The following C21orf58 variants were observed in gnomAD, a reference collection of about 807,000 sequenced individuals.
C21orf58 encodes chromosome 21 open reading frame 58, also known as uncharacterized protein C21orf58.
In C21orf58, 34 loss-of-function variants were observed where a neutral mutation model predicts 35.8. The observed-to-expected ratio is 0.95, with a 90% CI of 0.72 to 1.26. C21orf58 has a LOEUF of 1.26. C21orf58 is among the 50% of genes most tolerant of loss of function. The probability of loss-of-function intolerance (pLI) is 0.00; values close to 1 mark genes in which losing one functional copy is unlikely to be tolerated. For synonymous variants in C21orf58, 191 were observed against 175.8 expected (o/e 1.09, Z -0.68); for missense variants, 440 against 414.3 (o/e 1.06, Z -0.54).
At chr21:46,306,971 C>A (rs2082447250) in intron 6 of C21orf58, among the ~76,000 whole-genome samples, 1 of 152,016 alleles carries the variant, frequency 6.6e-6, no homozygotes, top group African/African-American at 2.4e-5. Flanking sequence ...TCTCAGCTCA[C>A]TGCAGCCTCC....
chr21:46,302,189 C>T (rs1426649284), intron 7 of C21orf58, 35 bp from the exon 8 acceptor site: 1 of 1,438,254 alleles, frequency 7.0e-7, no homozygotes, highest in Non-Finnish European at 9.1e-7. Context: ...AGGACGCAGC[C>T]CAGGCTGCTC....
intron 6 of C21orf58, among the ~76,000 whole-genome samples, chr21:46,305,735 C>G (rs866155006): frequency 6.0e-5 from 9 of 151,156 alleles, no homozygotes; most frequent in Non-Finnish European, 1.2e-4. Context: ...GTTAGAAGAT[C>G]GAGACCATCC....
At position 46,323,843 on chromosome 21, in the gene C21orf58, C is replaced by T. The variant is rs140786971; in HGVS notation, c.-1105G>A. 5.4e-6 allele frequency: 2 copies of T among 368,234 alleles called. No individual in the cohort carries two copies. Among genetic ancestry groups the T allele is most frequent in the African/African-American group, 2.2e-5 (1 of 46,078 alleles). The allele number at this position is 368,234 out of a possible 1,614,324, so 22.8% of individuals were successfully genotyped here. A position where few individuals can be genotyped will look rare whatever the true frequency, so the allele number is the denominator to read the frequency against. ...GTGGACACAAAGCCCAGGGGCCGCC[C>T]GCGCGGGACCAGCAGCGCGAACTTT... On this transcript the variant is annotated 5_prime_UTR_variant, in exon 1 of 8. Transcript: ENST00000291691.
chr21:46,322,782 G>GA lies in C21orf58; in HGVS notation c.-45dup, dbSNP rs759678572. ...TCGCAGCGAGACTGTCTCAAAAAAAGAAAAAAAATTCTGAGCGAGATTCCA... is the reference window on the plus strand; with the variant it reads ...TCGCAGCGAGACTGTCTCAAAAAAAGAAAAAAAAATTCTGAGCGAGATTCCA... On this transcript the variant is annotated 5_prime_UTR_variant, in exon 1 of 8. Transcript: ENST00000291691. The GA allele has an allele frequency of 3.3e-5, 44 of 1,329,670 alleles. No individual in the cohort carries two copies. Among genetic ancestry groups the GA allele is most frequent in the South Asian group, 1.1e-4 (7 of 62,554 alleles). The allele number at this position is 1,329,670 out of a possible 1,614,324, so 82.4% of individuals were successfully genotyped here.
chr21:46,322,706 G>A lies in C21orf58; in HGVS notation c.33C>T (p.Leu11=), dbSNP rs1315309190. MARSRLPATS[L]RKPWKLDRQK... ...GGCGGTCGAGCTTCCACGGCTTCCT[G>A]AGGGAGGTTGCAGGGAGCCGAGATC... The change falls in exon 1 of 8, where the codon CTC becomes CTT. Residue 11 remains leucine (L), a synonymous_variant. Transcript: ENST00000291691. 1 of 1,572,030 alleles carries A rather than the reference G, an allele frequency of 6.4e-7. No homozygotes were observed. Among genetic ancestry groups the A allele is most frequent in the African/African-American group, 1.4e-5 (1 of 73,830 alleles).
At chr21:46,304,622 A>G (rs1665909047) in intron 6 of C21orf58, among the ~76,000 whole-genome samples, 1 of 152,228 alleles carries the variant, frequency 6.6e-6, no homozygotes, top group African/African-American at 2.4e-5. Context: ...GAAAATGCCA[A>G]GTGTTGGTGA....
downstream of C21orf58, chr21:46,300,440 A>C (rs542473963): frequency 3.0e-4 from 62 of 209,998 alleles, 1 homozygote; most frequent in East Asian, 7.2e-3. Context: ...TCAAAAAAAA[A>C]CATTTTTAAT....
Position 46,301,783 on chromosome 21 carries a change from G to A in C21orf58, c.*216C>T. On this transcript the variant is annotated 3_prime_UTR_variant, in exon 8 of 8. Coordinates refer to ENST00000291691, the MANE Select transcript of C21orf58 (RefSeq NM_058180.5). ...GGGTTCACAGGCCCCTCACTGCAGGGGACCCGGAGCAAGGGATGCCCCCTG... is the reference window on the plus strand; with the variant it reads ...GGGTTCACAGGCCCCTCACTGCAGGAGACCCGGAGCAAGGGATGCCCCCTG... 8.1e-7 allele frequency: 1 copy of A among 1,238,800 alleles called. No individual in the cohort carries two copies. The highest frequency in any genetic ancestry group is 1.0e-6 in the Non-Finnish European group (1 of 991,890). The allele number at this position is 1,238,800 out of a possible 1,614,324, so 76.7% of individuals were successfully genotyped here.
At chr21:46,311,196 T>G (rs2082670897) in intron 6 of C21orf58, among the ~76,000 whole-genome samples, 2 of 152,228 alleles carry the variant, frequency 1.3e-5, no homozygotes, top group South Asian at 2.1e-4. Context: ...AAGAAGCATC[T>G]TAATAATGGT....
At chr21:46,312,851 C>G (rs2082801456) in intron 5 of C21orf58, among the ~76,000 whole-genome samples, 1 of 152,296 alleles carries the variant, frequency 6.6e-6, no homozygotes, top group African/African-American at 2.4e-5. Flanking sequence ...TCCCAGCCCC[C>G]ATAACAACTT....
intron 1 of C21orf58, among the ~76,000 whole-genome samples, chr21:46,320,402 CCT>C (rs944506390): frequency 6.6e-6 from 1 of 151,402 alleles, no homozygotes; most frequent in African/African-American, 2.4e-5. Context: ...GCACCTGGCC[CCT>C]GATGCCTTTT....
rs2083035913 is a variant in C21orf58 at position 46,317,928 on chromosome 21, A to G, written c.309+84T>C. The G allele has an allele frequency of 2.1e-6, 3 of 1,452,218 alleles. No homozygotes were observed. In the East Asian group the frequency reaches 7.1e-5, roughly 35 times the overall value. 90.0% of individuals were successfully genotyped at this position (1,452,218 alleles called of 1,614,324 possible). On this transcript the variant is annotated intron_variant, in intron 2 of 7. Transcript: ENST00000291691. ...TAGCCCTTGGGGCCCTGCATTCTGCACCTGCAGGGCTGTCTCGAAGAGTCC... is the reference window on the plus strand; with the variant it reads ...TAGCCCTTGGGGCCCTGCATTCTGCGCCTGCAGGGCTGTCTCGAAGAGTCC...
At chr21:46,304,803 G>A (rs144857428) in intron 6 of C21orf58, among the ~76,000 whole-genome samples, 24 of 152,314 alleles carry the variant, frequency 1.6e-4, no homozygotes, top group African/African-American at 5.3e-4. Context: ...TCTTGAGCGG[G>A]GACGGAAGCA....
chr21:46,314,578 C>T, intron 5 of C21orf58, 138 bp downstream of exon 5: 1 of 662,860 alleles, frequency 1.5e-6, no homozygotes, highest in Non-Finnish European at 2.5e-6. Context: ...CAGCTGGCCC[C>T]CTTCAAGGGT....
intron 6 of C21orf58, among the ~76,000 whole-genome samples, chr21:46,310,153 G>A (rs1569125940): frequency 6.6e-6 from 1 of 152,244 alleles, no homozygotes; most frequent in East Asian, 1.9e-4. Flanking sequence ...CTTGATTGTA[G>A]TGATATAAGT....
downstream of C21orf58, chr21:46,300,748 G>A (rs1202168722): frequency 7.8e-7 from 1 of 1,289,078 alleles, no homozygotes; most frequent in Non-Finnish European, 1.0e-6. Flanking sequence ...GAAGCACTGG[G>A]ACAGGGTTCC....
intron 1 of C21orf58, 191 bp downstream of exon 1, chr21:46,322,448 G>GT (rs199798149): frequency 0.027 from 26,143 of 985,194 alleles, 353 homozygotes; most frequent in Admixed American, 0.029. Context: ...ATTGTAACAC[G>GT]TAACAGTTGT....
intron 5 of C21orf58, 87 bp from the exon 6 acceptor site, chr21:46,311,654 T>TCCAA (rs772171877): frequency 4.8e-5 from 32 of 669,208 alleles, no homozygotes; most frequent in South Asian, 2.1e-4. Flanking sequence ...CACCCACCCA[T>TCCAA]CCAACCAACC....
At position 46,303,988 on chromosome 21, in the gene C21orf58, T is replaced by C. The variant is rs573032800; in HGVS notation, c.722-1412A>G. On this transcript the variant is annotated intron_variant, in intron 6 of 7. Coordinates refer to ENST00000291691, the MANE Select transcript of C21orf58 (RefSeq NM_058180.5). Reference sequence around the variant, plus strand: ...GGATGGTCTCGATCTCCTGACCTCATGATCCACCTGCCTTGGCTTCCCAAA... The same window carrying C: ...GGATGGTCTCGATCTCCTGACCTCACGATCCACCTGCCTTGGCTTCCCAAA... Among the ~76,000 whole-genome samples, 5 of 143,158 alleles carry C rather than the reference T, an allele frequency of 3.5e-5. No individual in the cohort carries two copies. The East Asian group carries it at 8.3e-4, about 24-fold the overall frequency. 93.9% of individuals were successfully genotyped at this position (143,158 alleles called of 152,430 possible).
Sources: gnomAD v4.1 joint callset for allele counts (sites outside exome capture counted in the v4.1 genomes callset) on GRCh38, gnomAD v4.1.1 for gene constraint, MANE v1.5 for transcripts, NCBI Gene and HGNC (gene_info 2026-07-23, HGNC 2026-07-21) for gene names.